AFP: variants seen among roughly 807,000 people sequenced by gnomAD.
The protein encoded by AFP is alpha fetoprotein, also known as alpha-fetoprotein.
Under a neutral mutation model 78.9 loss-of-function variants are expected in AFP, and 64 were observed. That is an observed-to-expected ratio of 0.81 (90% CI 0.66 to 1.00). The LOEUF is 1.00. AFP is among the 50% of genes least tolerant of loss of function. The pLI, the probability that AFP is intolerant of heterozygous loss-of-function variation, is 0.00. For synonymous variants in AFP, 254 were observed against 243.8 expected (o/e 1.04, Z -0.39); for missense variants, 689 against 703.8 (o/e 0.98, Z 0.24).
intron 6 of AFP, among the ~76,000 whole-genome samples, chr4:73,444,490 C>T (rs1719762779): frequency 6.6e-6 from 1 of 151,938 alleles, no homozygotes; most frequent in Non-Finnish European, 1.5e-5. Flanking sequence ...TCTTTTTTGG[C>T]CACATTACTC....
rs186121476 is a variant in AFP at position 73,450,717 on chromosome 4, C to T, written c.1392C>T (p.Leu464=). 2.5e-5 allele frequency: 40 copies of T among 1,614,204 alleles called. No individual in the cohort carries two copies. In the East Asian group the frequency reaches 8.0e-4, roughly 32 times the overall value. ...MAATAATCCQ[L]SEDKLLACGE... ...CCACAGCAGCCACTTGTTGCCAACT[C>T]AGTGAGGACAAACTATTGGCCTGTG... is the stretch of plus-strand genomic sequence containing the variant. The change falls in exon 11 of 15, where the codon CTC becomes CTT. Residue 464 remains leucine, a synonymous_variant. Transcript: ENST00000395792.
chr4:73,443,234 A>G, intron 5 of AFP, 113 bp from the exon 6 acceptor site: 2 of 812,004 alleles, frequency 2.5e-6, no homozygotes, highest in Non-Finnish European at 4.1e-6. Context: ...TTAGTAAAAA[A>G]CATATTTTAT....
chr4:73,445,334 C>T (rs1193301773), intron 7 of AFP, among the ~76,000 whole-genome samples: 3 of 151,880 alleles, frequency 2.0e-5, no homozygotes, highest in Non-Finnish European at 4.4e-5. Context: ...TTTTGTGAAA[C>T]CAAGGCTCAT....
chr4:73,438,951 A>G (rs1286778962), intron 3 of AFP, among the ~76,000 whole-genome samples: 1 of 152,144 alleles, frequency 6.6e-6, no homozygotes, highest in Non-Finnish European at 1.5e-5. Context: ...GGAACCACCA[A>G]ATGGCAGAGC....
intron 10 of AFP, 82 bp downstream of exon 10, chr4:73,450,215 C>G (rs1719948745): frequency 8.6e-7 from 1 of 1,160,978 alleles, no homozygotes; most frequent in East Asian, 2.6e-5. Context: ...CCTTTGGAAG[C>G]AACAAGAATG....
rs150335619 is a variant in AFP at position 73,436,313 on chromosome 4, A to T, written c.51A>T (p.Glu17Asp). Residue 17 changes from glutamate to aspartate, a missense_variant, in exon 1 of 15, where the codon GAA becomes GAT. Coordinates refer to ENST00000395792, the MANE Select transcript of AFP (RefSeq NM_001134.3). Reference sequence around the variant, plus strand: ...TAATTTTCCTACTAAATTTTACTGAATCCAGAACACTGCATAGAAATGAAT... The same window carrying T: ...TAATTTTCCTACTAAATTTTACTGATTCCAGAACACTGCATAGAAATGAAT... Reference protein sequence around the residue: ...IFLIFLLNFTESRTLHRNEYG... With the variant: ...IFLIFLLNFTDSRTLHRNEYG... The T allele has an allele frequency of 1.9e-6, 3 of 1,602,252 alleles. No individual in the cohort carries two copies. In the African/African-American group the frequency reaches 4.0e-5, roughly 21 times the overall value.
At chr4:73,446,623 G>A (rs11941100) in intron 7 of AFP, among the ~76,000 whole-genome samples, 1 of 24,368 alleles carries the variant, frequency 4.1e-5, no homozygotes, top group African/African-American at 1.3e-4. Flanking sequence ...GGAATTTCTC[G>A]TGGAGCAGAA....
At chr4:73,436,721 T>G (rs1461713297) in intron 1 of AFP, among the ~76,000 whole-genome samples, 1 of 151,832 alleles carries the variant, frequency 6.6e-6, no homozygotes, top group Admixed American at 6.6e-5. Context: ...CTCAGACTAG[T>G]AAAATAGATA....
At chr4:73,454,671 G>A (rs749319048) in intron 13 of AFP, among the ~76,000 whole-genome samples, 2 of 152,060 alleles carry the variant, frequency 1.3e-5, no homozygotes, top group Non-Finnish European at 1.5e-5. Context: ...TTCTCACCAT[G>A]TAAAATCCAA....
At chr4:73,447,764 T>C in intron 8 of AFP, 88 bp downstream of exon 8, 1 of 1,171,160 alleles carries the variant, frequency 8.5e-7, no homozygotes, top group Non-Finnish European at 1.3e-6. Context: ...GAGTGATGAT[T>C]ATGGTTTTTG....
intron 8 of AFP, 105 bp from the exon 9 acceptor site, chr4:73,449,230 A>C (rs1376735354): frequency 9.6e-7 from 1 of 1,043,760 alleles, no homozygotes; most frequent in East Asian, 2.6e-5. Context: ...ATTTATTTGA[A>C]TTTAACTTCC....
At chr4:73,440,915 T>C in intron 4 of AFP, 102 bp downstream of exon 4, 1 of 1,106,156 alleles carries the variant, frequency 9.0e-7, no homozygotes, top group Non-Finnish European at 1.3e-6. Context: ...CAGTAAGAGG[T>C]ATAATGTTTC....
intron 5 of AFP, 84 bp from the exon 6 acceptor site, chr4:73,443,263 T>C: frequency 9.8e-7 from 1 of 1,020,510 alleles, no homozygotes; most frequent in Non-Finnish European, 1.5e-6. Flanking sequence ...ATTTTACCTA[T>C]ACTTGTTGTT....
In AFP at chr4:73,455,797, A is replaced by T. The variant is rs918432294; in HGVS notation, c.*177A>T. ...AATGTTTCCTTTTCCAAGTTTGCTT[A>T]TTTATGAAAAGTTATCGATAATTTC... On this transcript the variant is annotated 3_prime_UTR_variant, in exon 15 of 15. Transcript: ENST00000395792. The T allele has an allele frequency of 4.8e-6, 3 of 623,806 alleles. No homozygotes were observed. Among genetic ancestry groups the T allele is most frequent in the Non-Finnish European group, 8.5e-6 (3 of 354,418 alleles). 38.6% of individuals were successfully genotyped at this position (623,806 alleles called of 1,614,324 possible). A position where few individuals can be genotyped will look rare whatever the true frequency, so the allele number is the denominator to read the frequency against.
intron 8 of AFP, among the ~76,000 whole-genome samples, chr4:73,448,543 C>T (rs1719898108): frequency 6.6e-6 from 1 of 151,900 alleles, no homozygotes; most frequent in Non-Finnish European, 1.5e-5. Context: ...ATTATGTAAG[C>T]TAGAATAAAG....
chr4:73,447,425 A>T, intron 7 of AFP, 37 bp from the exon 8 acceptor site: 2 of 1,484,818 alleles, frequency 1.3e-6, no homozygotes, highest in Non-Finnish European at 1.8e-6. Context: ...TTAAAGAATA[A>T]ATCTTTAAAA....
At position 73,445,037 on chromosome 4, in the gene AFP, C is replaced by G. The variant is rs139295532; in HGVS notation, c.758C>G (p.Thr253Ser). 1.5e-4 allele frequency: 235 copies of G among 1,613,446 alleles called. No individual in the cohort carries two copies. The highest frequency in any genetic ancestry group is 3.3e-5 in the Admixed American group (2 of 59,976). ...CAGAAGTTTACCAAAGTTAATTTTA[C>G]TGAAATCCAGAAACTAGTCCTGGAT... The part of the protein sequence containing the change: ...LSQKFTKVNF[T>S]EIQKLVLDVA... Residue 253 changes from threonine to serine, a missense_variant, in exon 7 of 15, where the codon ACT becomes AGT. By Grantham distance (58) the Thr-to-Ser change is moderately conservative. Transcript: ENST00000395792.
chr4:73,450,012 T>G (rs1247660645), intron 9 of AFP, 24 bp from the exon 10 acceptor site: 1 of 1,535,704 alleles, frequency 6.5e-7, no homozygotes, highest in Non-Finnish European at 9.0e-7. Flanking sequence ...GAAAAATGTA[T>G]ATGTAATAAT....
intron 7 of AFP, among the ~76,000 whole-genome samples, chr4:73,447,120 C>T (rs113712605): frequency 0.14 from 20,658 of 151,964 alleles, 1,509 homozygotes; most frequent in South Asian, 0.18. Context: ...TTCCAAGGGT[C>T]TTTCTAGATT....
Sources: allele counts gnomAD v4.1 joint callset (sites outside exome capture counted in the v4.1 genomes callset), GRCh38; gene constraint gnomAD v4.1.1; transcripts MANE v1.5; gene names NCBI Gene and HGNC (gene_info 2026-07-23, HGNC 2026-07-21).